FSTL5: variants seen among roughly 807,000 people sequenced by gnomAD.
The protein encoded by FSTL5 is follistatin like 5.
A neutral mutation model predicts 89.1 loss-of-function variants in FSTL5; 62 were observed. The ratio of observed to expected loss-of-function variants is 0.70; its 90% CI spans 0.57 to 0.86. FSTL5 has a LOEUF of 0.86. FSTL5 is among the 40% of genes least tolerant of loss of function. The pLI, the probability that FSTL5 is intolerant of heterozygous loss-of-function variation, is 0.00. For synonymous variants in FSTL5, 383 were observed against 346.2 expected (o/e 1.11, Z -1.18); for missense variants, 1,057 against 1,001.6 (o/e 1.06, Z -0.75).
chr4:161,542,573 A>G lies in FSTL5; in HGVS notation c.1136T>C (p.Ile379Thr). The change falls in exon 9 of 16, where the codon ATT becomes ACT. Residue 379 changes from isoleucine to threonine, a missense_variant. This residue lies in a region of FSTL5 where 980 missense variants were observed against 903.2 expected (regional missense o/e 1.08). Coordinates refer to ENST00000306100, the MANE Select transcript of FSTL5 (RefSeq NM_020116.5). ...KPQLGWLKNG[I>T]DITPKLSKQL... ...TTTGGAAAGCTTTGGTGTAATATCA[A>G]TTCCATTCTTCAACCAGCCAAGCTG... The G allele has an allele frequency of 6.4e-7, 1 of 1,562,206 alleles. No homozygotes were observed. The highest frequency in any genetic ancestry group is 8.7e-7 in the Non-Finnish European group (1 of 1,151,026).
At chr4:161,616,240 C>T (rs1734863544) in intron 7 of FSTL5, among the ~76,000 whole-genome samples, 1 of 152,120 alleles carries the variant, frequency 6.6e-6, no homozygotes. Context: ...GCCCTCGCCA[C>T]CATGCCCGCT....
At chr4:161,894,835 T>C (rs1248114138) in intron 4 of FSTL5, among the ~76,000 whole-genome samples, 2 of 152,194 alleles carry the variant, frequency 1.3e-5, no homozygotes, top group African/African-American at 4.8e-5. Context: ...GATCCCTTAT[T>C]GTACATGAAG....
In FSTL5 at chr4:162,017,955, C is replaced by G. The variant is rs112545631; in HGVS notation, c.160+15670G>C. 6.6e-3 allele frequency among the ~76,000 whole-genome samples: 1,001 copies of G among 152,198 alleles called. 11 individuals carry two copies. Among genetic ancestry groups the G allele is most frequent in the Non-Finnish European group, 9.6e-3 (654 of 68,002 alleles). On this transcript the variant is annotated intron_variant, in intron 3 of 15. Transcript: ENST00000306100. ...TTATACTGTGGGTTCCTATCTCGAG[C>G]CCCTTGCTTTGCTAGAACCCCTCCA...
intron 4 of FSTL5, among the ~76,000 whole-genome samples, chr4:161,895,563 C>T (rs1234137126): frequency 2.0e-5 from 3 of 152,092 alleles, no homozygotes; most frequent in Admixed American, 6.6e-5. Context: ...GAATCATCTG[C>T]TATGATTCTA....
chr4:162,098,940 A>T (rs930213540), intron 2 of FSTL5, among the ~76,000 whole-genome samples: 5 of 152,154 alleles, frequency 3.3e-5, no homozygotes, highest in East Asian at 1.9e-4. Context: ...CTCAAAAAGG[A>T]TCATAGAACT....
chr4:161,784,214 G>C (rs1741798011), intron 4 of FSTL5, among the ~76,000 whole-genome samples: 2 of 152,032 alleles, frequency 1.3e-5, no homozygotes, highest in African/African-American at 4.8e-5. Context: ...TAGATTACAG[G>C]TGTGAGCCAC....
chr4:161,776,536 T>C (rs1741418888), intron 4 of FSTL5, among the ~76,000 whole-genome samples: 1 of 100,992 alleles, frequency 9.9e-6, no homozygotes, highest in Non-Finnish European at 1.7e-5. Flanking sequence ...TGTACGTATA[T>C]GCATACATAT....
At chr4:161,868,865 G>A (rs149492999) in intron 4 of FSTL5, among the ~76,000 whole-genome samples, 49 of 152,076 alleles carry the variant, frequency 3.2e-4, no homozygotes, top group East Asian at 7.7e-4. Context: ...CCTCTTGGGC[G>A]TATTTAGAAA....
Position 161,953,773 on chromosome 4 carries a change from C to A in FSTL5, c.161-33121G>T, listed in dbSNP as rs78889860. ...TAGCTTCAGTTTGTGTATCTCAGAC[C>A]CTGCAATTATCCCACGGAGAATTTT... On this transcript the variant is annotated intron_variant, in intron 3 of 15. Coordinates refer to ENST00000306100, the MANE Select transcript of FSTL5 (RefSeq NM_020116.5). Among the ~76,000 whole-genome samples the A allele has an allele frequency of 0.014, 2,079 of 151,400 alleles. 126 individuals carry two copies. In the East Asian group the frequency reaches 0.2, roughly 15 times the overall value.
At chr4:161,526,185 A>G (rs980929561) in intron 10 of FSTL5, among the ~76,000 whole-genome samples, 8 of 152,150 alleles carry the variant, frequency 5.3e-5, no homozygotes, top group African/African-American at 1.9e-4. Context: ...CATTAGTATA[A>G]CTTGTATGAT....
chr4:161,457,644 T>TA (rs919295362), intron 14 of FSTL5, among the ~76,000 whole-genome samples: 11 of 150,848 alleles, frequency 7.3e-5, no homozygotes, highest in South Asian at 2.1e-4. Context: ...TTTAGTTTTT[T>TA]AAAAAAAAAG....
chr4:161,602,524 G>A (rs142628910), intron 7 of FSTL5, among the ~76,000 whole-genome samples: 2,117 of 152,140 alleles, frequency 0.014, 71 homozygotes, highest in South Asian at 0.14. Flanking sequence ...GAATATTTGA[G>A]ATTAGAGATT....
chr4:161,744,085 G>GTT (rs200505368), intron 6 of FSTL5, among the ~76,000 whole-genome samples: 12 of 151,244 alleles, frequency 7.9e-5, no homozygotes, highest in African/African-American at 2.9e-4. Flanking sequence ...AACAGAAGGT[G>GTT]TTTTTTTTTA....
intron 4 of FSTL5, among the ~76,000 whole-genome samples, chr4:161,816,334 AT>A (rs1396066390): frequency 6.6e-6 from 1 of 152,162 alleles, no homozygotes; most frequent in Non-Finnish European, 1.5e-5. Flanking sequence ...TTATTTCTTC[AT>A]TGGGTGAAAA....
At chr4:162,027,270 T>C (rs1018430886) in intron 3 of FSTL5, among the ~76,000 whole-genome samples, 6 of 152,128 alleles carry the variant, frequency 3.9e-5, no homozygotes, top group Non-Finnish European at 5.9e-5. Flanking sequence ...GAAAAAGTTA[T>C]TACTTACATT....
chr4:161,912,476 A>AG (rs1208171203), intron 4 of FSTL5, among the ~76,000 whole-genome samples: 1 of 152,118 alleles, frequency 6.6e-6, no homozygotes, highest in Admixed American at 6.5e-5. Flanking sequence ...TGGGTTTATC[A>AG]GGGGGTTATG....
At chr4:161,876,012 T>A (rs1732430366) in intron 4 of FSTL5, among the ~76,000 whole-genome samples, 1 of 152,176 alleles carries the variant, frequency 6.6e-6, no homozygotes, top group African/African-American at 2.4e-5. Flanking sequence ...TTTTAATCCA[T>A]GCATATCTTC....
intron 2 of FSTL5, among the ~76,000 whole-genome samples, chr4:162,108,905 C>T (rs1252446497): frequency 1.3e-5 from 2 of 151,922 alleles, no homozygotes; most frequent in Admixed American, 6.6e-5. Flanking sequence ...CCAATACTAT[C>T]CTTATTTTGG....
At chr4:161,459,437 T>C (rs1733483607) in intron 13 of FSTL5, 118 bp from the exon 14 acceptor site, 1 of 590,862 alleles carries the variant, frequency 1.7e-6, no homozygotes, top group Non-Finnish European at 3.0e-6. Flanking sequence ...TTGCCAAATA[T>C]ATAATTTCCT....
Sources: allele counts gnomAD v4.1 joint callset (sites outside exome capture counted in the v4.1 genomes callset), GRCh38; gene constraint gnomAD v4.1.1; regional missense constraint gnomAD v4.1.1; transcripts MANE v1.5; gene names NCBI Gene and HGNC (gene_info 2026-07-23, HGNC 2026-07-21).